CNTN5: variants seen among roughly 807,000 people sequenced by gnomAD.
CNTN5 encodes the protein contactin-5.
CNTN5 carries 77 observed loss-of-function variants against 129.1 expected under a neutral mutation model. The ratio of observed to expected loss-of-function variants is 0.60; its 90% confidence interval spans 0.50 to 0.72. The LOEUF (loss-of-function observed/expected upper bound fraction) is 0.72, where lower values mean the gene tolerates loss of function less well. Among genes scored for constraint, CNTN5 ranks in the 30% least tolerant of loss-of-function variants. CNTN5 has a pLI of 0.00. For missense variants in CNTN5, 1,478 were observed against 1,328.8 expected (o/e 1.11, Z -1.75); for synonymous variants, 509 against 465.6 (o/e 1.09, Z -1.20).
chr11:99,425,612 T>C (rs1315152310), intron 2 of CNTN5, among the ~76,000 whole-genome samples: 1 of 152,230 alleles, frequency 6.6e-6, no homozygotes, highest in African/African-American at 2.4e-5. Flanking sequence ...AACTTTGCTG[T>C]GCACTGGAGC....
At chr11:99,878,315 A>C (rs773282880) in intron 6 of CNTN5, among the ~76,000 whole-genome samples, 9 of 152,132 alleles carry the variant, frequency 5.9e-5, no homozygotes, top group Non-Finnish European at 1.0e-4. Flanking sequence ...GTTTTGTCAT[A>C]AAAGATATAT....
At chr11:99,117,940 GC>G (rs1312781094) in intron 1 of CNTN5, among the ~76,000 whole-genome samples, 1 of 152,172 alleles carries the variant, frequency 6.6e-6, no homozygotes, top group Non-Finnish European at 1.5e-5. Flanking sequence ...TGTTATAGCA[GC>G]CCGAGCGGAC....
intron 3 of CNTN5, among the ~76,000 whole-genome samples, chr11:99,757,842 C>T (rs1438419490): frequency 3.3e-5 from 5 of 151,888 alleles, no homozygotes; most frequent in Non-Finnish European, 7.4e-5. Flanking sequence ...ATGATAAATC[C>T]CACTTTGTTT....
At chr11:100,320,410 G>A (rs1020696316) in intron 21 of CNTN5, among the ~76,000 whole-genome samples, 2 of 151,944 alleles carry the variant, frequency 1.3e-5, no homozygotes, top group Non-Finnish European at 2.9e-5. Flanking sequence ...TCTTGCTATT[G>A]AGTTGAGTTG....
At chr11:99,840,744 A>G (rs1320154012) in intron 4 of CNTN5, among the ~76,000 whole-genome samples, 1 of 152,162 alleles carries the variant, frequency 6.6e-6, no homozygotes, top group Admixed American at 6.5e-5. Context: ...GAAGAGTTTA[A>G]TTAATTGGCT....
intron 15 of CNTN5, among the ~76,000 whole-genome samples, chr11:100,200,517 T>C (rs1052596550): frequency 6.6e-6 from 1 of 151,956 alleles, no homozygotes; most frequent in Non-Finnish European, 1.5e-5. Flanking sequence ...ATGTGTGCTA[T>C]GAATAGTTAC....
At chr11:100,199,767 C>T (rs1262840486) in intron 15 of CNTN5, among the ~76,000 whole-genome samples, 1 of 151,676 alleles carries the variant, frequency 6.6e-6, no homozygotes, top group African/African-American at 2.4e-5. Context: ...CAATATATGC[C>T]ATTTAATTAT....
chr11:99,634,271 GA>G (rs1409360563), intron 3 of CNTN5, among the ~76,000 whole-genome samples: 2 of 152,166 alleles, frequency 1.3e-5, no homozygotes, highest in Non-Finnish European at 2.9e-5. Flanking sequence ...AATAACCAGA[GA>G]AGAAGAGGGA....
chr11:99,463,570 TGTCTGC>T (rs1270766378), intron 2 of CNTN5, among the ~76,000 whole-genome samples: 1,837 of 152,190 alleles, frequency 0.012, 40 homozygotes, highest in African/African-American at 0.042. Flanking sequence ...TACTGTATAA[TGTCTGC>T]TATTCCAAGC....
intron 18 of CNTN5, among the ~76,000 whole-genome samples, chr11:100,296,956 T>C (rs1369000885): frequency 6.6e-6 from 1 of 151,576 alleles, no homozygotes; most frequent in African/African-American, 2.4e-5. Flanking sequence ...CATTTGAAAA[T>C]GTTCCCTTTC....
intron 3 of CNTN5, among the ~76,000 whole-genome samples, chr11:99,732,410 T>TATATAATAACTCA (rs1487298028): frequency 1.4e-5 from 2 of 138,284 alleles, no homozygotes; most frequent in Non-Finnish European, 1.7e-5. Context: ...ACTGAGTACT[T>TATATAATAACTCA]GTATAATAAC....
intron 3 of CNTN5, among the ~76,000 whole-genome samples, chr11:99,793,141 C>T (rs1319413029): frequency 2.0e-5 from 3 of 151,814 alleles, no homozygotes; most frequent in Admixed American, 2.0e-4. Flanking sequence ...CTCACTGCAA[C>T]CTCTTCCTCC....
At chr11:100,260,809 G>A (rs1950179929) in intron 17 of CNTN5, among the ~76,000 whole-genome samples, 1 of 152,150 alleles carries the variant, frequency 6.6e-6, no homozygotes, top group South Asian at 2.1e-4. Context: ...AATAGTAAGA[G>A]TTATTTAGGA....
intron 3 of CNTN5, among the ~76,000 whole-genome samples, chr11:99,693,274 C>T (rs182477007): frequency 4.1e-4 from 62 of 152,034 alleles, no homozygotes; most frequent in African/African-American, 1.4e-3. Flanking sequence ...AAATAATAGT[C>T]TTTAAATAAT....
At chr11:99,421,405 T>A (rs959699) in intron 2 of CNTN5, among the ~76,000 whole-genome samples, 62,815 of 151,974 alleles carry the variant, frequency 0.41, 13,141 homozygotes, top group East Asian at 0.49. Flanking sequence ...GCTCTGTACA[T>A]CCTTGTTGTA....
intron 7 of CNTN5, among the ~76,000 whole-genome samples, chr11:99,942,591 T>A (rs1209498133): frequency 6.6e-6 from 1 of 152,052 alleles, no homozygotes. Context: ...TAATGTGCCA[T>A]GGTGGTTTGC....
chr11:99,220,235 C>A (rs2135700002), intron 1 of CNTN5, among the ~76,000 whole-genome samples: 1 of 152,132 alleles, frequency 6.6e-6, no homozygotes, highest in Non-Finnish European at 1.5e-5. Flanking sequence ...GTCACTAACA[C>A]TTGCTAACTT....
chr11:99,284,845 G>A (rs1007530790), intron 1 of CNTN5, among the ~76,000 whole-genome samples: 1 of 151,804 alleles, frequency 6.6e-6, no homozygotes, highest in Non-Finnish European at 1.5e-5. Context: ...ATAAATAGGT[G>A]GATAAAGATA....
intron 3 of CNTN5, among the ~76,000 whole-genome samples, chr11:99,774,826 T>C (rs1281263205): frequency 2.0e-5 from 3 of 152,130 alleles, no homozygotes; most frequent in Non-Finnish European, 4.4e-5. Flanking sequence ...TCCAGTTTTG[T>C]TCTTTTCTAC....
Sources: gnomAD v4.1 joint callset for allele counts (sites outside exome capture counted in the v4.1 genomes callset) on GRCh38, gnomAD v4.1.1 for gene constraint, MANE v1.5 for transcripts, NCBI Gene and HGNC (gene_info 2026-07-23, HGNC 2026-07-21) for gene names.